Variants in NUBPL observed in about 807,000 individuals in gnomAD.
NUBPL encodes NUBP iron-sulfur cluster assembly factor, mitochondrial, also known as iron-sulfur cluster transfer protein NUBPL.
Under a neutral mutation model 45.7 loss-of-function variants are expected in NUBPL, and 31 were observed. That is an observed-to-expected ratio of 0.68 (90% CI 0.51 to 0.92). NUBPL has a LOEUF of 0.92. Among genes scored for constraint, NUBPL ranks in the 40% least tolerant of loss-of-function variants. The probability of loss-of-function intolerance (pLI) is 0.00; values close to 1 mark genes in which losing one functional copy is unlikely to be tolerated. For synonymous variants in NUBPL, 144 were observed against 140.9 expected (o/e 1.02, Z -0.15); for missense variants, 401 against 398.7 (o/e 1.01, Z -0.05).
At chr14:31,607,262 A>C (rs2034627461) in intron 4 of NUBPL, among the ~76,000 whole-genome samples, 1 of 152,060 alleles carries the variant, frequency 6.6e-6, no homozygotes, top group South Asian at 2.1e-4. Flanking sequence ...GTATGCCTGT[A>C]GTCCCAGCTA....
chr14:31,687,772 C>T (rs965290136), intron 6 of NUBPL, among the ~76,000 whole-genome samples: 9 of 152,102 alleles, frequency 5.9e-5, no homozygotes, highest in Non-Finnish European at 1.0e-4. Flanking sequence ...TGTGAAGTGC[C>T]ACTAGTGATG....
intron 4 of NUBPL, among the ~76,000 whole-genome samples, chr14:31,637,186 G>T (rs1188533013): frequency 6.6e-6 from 1 of 152,030 alleles, no homozygotes; most frequent in East Asian, 1.9e-4. Flanking sequence ...ATGTTAGGGT[G>T]TCAATTTTGG....
chr14:31,657,070 T>C (rs543751122), intron 4 of NUBPL, among the ~76,000 whole-genome samples: 8 of 152,308 alleles, frequency 5.3e-5, no homozygotes, highest in Non-Finnish European at 1.2e-4. Context: ...ATTATATAAA[T>C]TGATAATTGC....
intron 4 of NUBPL, among the ~76,000 whole-genome samples, chr14:31,664,800 C>A (rs989454991): frequency 6.6e-5 from 10 of 152,104 alleles, no homozygotes; most frequent in Admixed American, 3.9e-4. Flanking sequence ...GTAATAGTTT[C>A]AGAAGGAATG....
At chr14:31,654,237 T>TG (rs746641175) in intron 4 of NUBPL, 13 of 278,816 alleles carry the variant, frequency 4.7e-5, no homozygotes, top group Non-Finnish European at 9.0e-5. Context: ...TAAAAATATG[T>TG]ATGTACCTTA....
At chr14:31,608,601 C>T (rs2034667452) in intron 4 of NUBPL, among the ~76,000 whole-genome samples, 1 of 151,994 alleles carries the variant, frequency 6.6e-6, no homozygotes, top group Admixed American at 6.6e-5. Context: ...CATTGATGAA[C>T]AGTAGGTAAT....
At chr14:31,770,152 T>C (rs1174625707) in intron 6 of NUBPL, among the ~76,000 whole-genome samples, 3 of 152,190 alleles carry the variant, frequency 2.0e-5, no homozygotes, top group African/African-American at 4.8e-5. Flanking sequence ...TCTTGTCCAC[T>C]GCCCAGACAG....
intron 4 of NUBPL, among the ~76,000 whole-genome samples, chr14:31,663,060 A>G (rs1380123203): frequency 6.6e-6 from 1 of 152,150 alleles, no homozygotes; most frequent in Non-Finnish European, 1.5e-5. Context: ...GTGTCTGTTC[A>G]TATCCTTCAC....
chr14:31,561,583 A>G, intron 1 of NUBPL, 36 bp downstream of exon 1: 2 of 1,291,136 alleles, frequency 1.5e-6, no homozygotes, highest in Non-Finnish European at 2.0e-6. Flanking sequence ...AAGCGGGCTG[A>G]CAGATGCTGG....
chr14:31,610,004 A>T (rs2034707948), intron 4 of NUBPL, among the ~76,000 whole-genome samples: 1 of 152,168 alleles, frequency 6.6e-6, no homozygotes, highest in Admixed American at 6.5e-5. Flanking sequence ...GATGCATCTT[A>T]AAGAACTAGA....
At chr14:31,749,932 A>G (rs1422195315) in intron 6 of NUBPL, among the ~76,000 whole-genome samples, 1 of 152,024 alleles carries the variant, frequency 6.6e-6, no homozygotes, top group Non-Finnish European at 1.5e-5. Flanking sequence ...AGTTATTTCA[A>G]AAGACCTGTT....
At chr14:31,778,133 C>T (rs954438512) in intron 6 of NUBPL, among the ~76,000 whole-genome samples, 3 of 152,126 alleles carry the variant, frequency 2.0e-5, no homozygotes, top group African/African-American at 4.8e-5. Flanking sequence ...GAGCAGGAGG[C>T]GTAGAATTAG....
chr14:31,613,383 A>T (rs1304974527), intron 4 of NUBPL, among the ~76,000 whole-genome samples: 3 of 152,170 alleles, frequency 2.0e-5, no homozygotes, highest in African/African-American at 7.2e-5. Flanking sequence ...GAACTATTTG[A>T]TAGCACAGCA....
intron 4 of NUBPL, among the ~76,000 whole-genome samples, chr14:31,646,547 C>G (rs1354026009): frequency 1.3e-5 from 2 of 152,078 alleles, no homozygotes; most frequent in African/African-American, 4.8e-5. Context: ...CCCTTCTGGC[C>G]TGTATGGTTT....
At chr14:31,570,652 A>G (rs2033557449) in intron 3 of NUBPL, among the ~76,000 whole-genome samples, 2 of 152,182 alleles carry the variant, frequency 1.3e-5, no homozygotes, top group South Asian at 2.1e-4. Context: ...TATCTCTACA[A>G]TATTTTTCCA....
At chr14:31,693,857 C>CTTTT (rs36082577) in intron 6 of NUBPL, among the ~76,000 whole-genome samples, 1,034 of 59,102 alleles carry the variant, frequency 0.017, 6 homozygotes, top group Non-Finnish European at 0.033. Context: ...CTTTTCTTTT[C>CTTTT]TTTTTTTTTT....
rs1240231585 is a variant in NUBPL at position 31,859,493 on chromosome 14, T to C, written c.*313T>C. ...ACAAGTCCATTTTGGGAGAGAACTG[T>C]ACACTTTTTGCAGGACCACAGAATT... On this transcript the variant is annotated 3_prime_UTR_variant, in exon 11 of 11. Transcript: ENST00000281081. The C allele has an allele frequency of 2.6e-5, 10 of 385,960 alleles. No homozygotes were observed. The highest frequency in any genetic ancestry group is 4.9e-5 in the Non-Finnish European group (10 of 203,724). 23.9% of individuals were successfully genotyped at this position (385,960 alleles called of 1,614,324 possible). A position where few individuals can be genotyped will look rare whatever the true frequency, so the allele number is the denominator to read the frequency against.
At chr14:31,812,317 G>A (rs1016776343) in intron 7 of NUBPL, among the ~76,000 whole-genome samples, 2 of 152,182 alleles carry the variant, frequency 1.3e-5, no homozygotes, top group African/African-American at 2.4e-5. Context: ...GCTTCTGGCC[G>A]CTTTGTTTAC....
At chr14:31,811,588 G>C (rs760227276) in intron 7 of NUBPL, among the ~76,000 whole-genome samples, 57 of 152,164 alleles carry the variant, frequency 3.7e-4, no homozygotes, top group Admixed American at 5.2e-4. Context: ...AGAGAAGTTT[G>C]TTATTACTGA....
Sources: allele counts gnomAD v4.1 joint callset (sites outside exome capture counted in the v4.1 genomes callset), GRCh38; gene constraint gnomAD v4.1.1; transcripts MANE v1.5; gene names NCBI Gene and HGNC (gene_info 2026-07-23, HGNC 2026-07-21).